The following ST8SIA2 variants were observed in gnomAD, a reference collection of about 807,000 sequenced individuals.
The protein encoded by ST8SIA2 is ST8 alpha-N-acetyl-neuraminide alpha-2,8-sialyltransferase 2, also known as alpha-2,8-sialyltransferase 8B.
In ST8SIA2, 22 loss-of-function variants were observed where a neutral mutation model predicts 37.6. The ratio of observed to expected loss-of-function variants is 0.58; its 90% CI spans 0.42 to 0.83. The LOEUF is 0.83. Among genes scored for constraint, ST8SIA2 ranks in the 40% least tolerant of loss-of-function variants. The pLI, the probability that ST8SIA2 is intolerant of heterozygous loss-of-function variation, is 0.00. For synonymous variants in ST8SIA2, 205 were observed against 201.2 expected, an observed-to-expected ratio of 1.02 and a Z score of -0.16; for missense variants, 382 against 484.7, an observed-to-expected ratio of 0.79 and a Z score of 1.99.
chr15:92,404,133 C>T (rs758414356), intron 1 of ST8SIA2, among the ~76,000 whole-genome samples: 3 of 152,232 alleles, frequency 2.0e-5, no homozygotes, highest in Non-Finnish European at 4.4e-5. Flanking sequence ...ACATCTCTCC[C>T]TGCTGCCAAC....
In ST8SIA2 at chr15:92,466,671, C is replaced by T. The variant is rs900351053; in HGVS notation, c.*2286C>T. ...GATATGAGCTGGAGTGCAAGGAGTC[C>T]TTCCACCCTGCCTTCAGGTTCTCTC... On this transcript the variant is annotated 3_prime_UTR_variant, in exon 6 of 6. Transcript: ENST00000268164. 4.6e-5 allele frequency: 7 copies of T among 152,352 alleles called. No individual in the cohort carries two copies. Among genetic ancestry groups the T allele is most frequent in the Admixed American group, 3.9e-4 (6 of 15,302 alleles). 9.4% of individuals were successfully genotyped at this position (152,352 alleles called of 1,614,324 possible).
intron 1 of ST8SIA2, among the ~76,000 whole-genome samples, chr15:92,412,130 G>C (rs1035928140): frequency 2.0e-5 from 3 of 152,164 alleles, no homozygotes; most frequent in Non-Finnish European, 4.4e-5. Context: ...AGAGGTCTCT[G>C]ATAAAGGGGC....
intron 5 of ST8SIA2, among the ~76,000 whole-genome samples, chr15:92,454,318 C>T (rs929530362): frequency 1.3e-5 from 2 of 152,028 alleles, no homozygotes; most frequent in African/African-American, 4.8e-5. Flanking sequence ...TCCAAATCCC[C>T]CCTCTTTGCA....
chr15:92,459,744 G>A (rs778208695), intron 5 of ST8SIA2, among the ~76,000 whole-genome samples: 2 of 152,170 alleles, frequency 1.3e-5, no homozygotes, highest in Non-Finnish European at 2.9e-5. Flanking sequence ...GATTACAGGT[G>A]CATGCCTCCA....
intron 1 of ST8SIA2, among the ~76,000 whole-genome samples, chr15:92,423,129 T>C (rs561065612): frequency 4.6e-5 from 7 of 152,216 alleles, no homozygotes; most frequent in Non-Finnish European, 1.0e-4. Context: ...ATAGTAGTTA[T>C]GGGGAAAAGA....
rs1258844139 is a variant in ST8SIA2 at position 92,394,077 on chromosome 15, T to G, written c.13T>G (p.Phe5Val). MQLQ[F>V]RSWMLAALTL... is the part of the protein sequence containing the mutation. ...GCGCGAACCCACCATGCAGCTGCAG[T>G]TCCGGAGCTGGATGCTGGCCGCGCT... The change falls in exon 1 of 6, where the codon TTC (phenylalanine) becomes GTC (valine). Residue 5 changes from phenylalanine to valine, a missense_variant. Physicochemically the swap from Phe to Val is conservative, Grantham distance 50. Transcript: ENST00000268164. The G allele has an allele frequency of 3.9e-6, 6 of 1,553,000 alleles. No homozygotes were observed. The Admixed American group carries it at 1.2e-4, about 30-fold the overall frequency.
In ST8SIA2 at chr15:92,451,328, G is replaced by A. The variant is rs533818998; in HGVS notation, c.842+6399G>A. On this transcript the variant is annotated intron_variant, in intron 5 of 5. Coordinates refer to ENST00000268164, the MANE Select transcript of ST8SIA2 (RefSeq NM_006011.4). ...TTAGAAGACCACGGCAGGCAGCAAC[G>A]CATCAAGGCTACACGTGCACACACT... is the stretch of plus-strand genomic sequence containing the variant. Among the ~76,000 whole-genome samples the A allele has an allele frequency of 2.6e-4, 40 of 152,246 alleles. No individual in the cohort carries two copies. The South Asian group carries it at 2.9e-3, about 11-fold the overall frequency.
intron 1 of ST8SIA2, among the ~76,000 whole-genome samples, chr15:92,411,829 C>T (rs2049551691): frequency 6.6e-6 from 1 of 152,144 alleles, no homozygotes; most frequent in Admixed American, 6.5e-5. Context: ...GCAGTTGAAG[C>T]TCTTAGTGTA....
chr15:92,404,707 A>AT (rs1406011561), intron 1 of ST8SIA2, among the ~76,000 whole-genome samples: 38 of 151,422 alleles, frequency 2.5e-4, no homozygotes, highest in African/African-American at 9.0e-4. Context: ...GTAGTGCTGC[A>AT]TGCCTGTAGT....
chr15:92,458,564 C>G (rs148625634), intron 5 of ST8SIA2, among the ~76,000 whole-genome samples: 70 of 152,280 alleles, frequency 4.6e-4, no homozygotes, highest in Non-Finnish European at 8.7e-4. Flanking sequence ...GGAAAGCATC[C>G]CTTCCGTCTC....
At chr15:92,401,335 G>A (rs2049469652) in intron 1 of ST8SIA2, among the ~76,000 whole-genome samples, 1 of 152,200 alleles carries the variant, frequency 6.6e-6, no homozygotes, top group African/African-American at 2.4e-5. Context: ...CTTAAGCGTT[G>A]AGATTAGTCA....
intron 3 of ST8SIA2, among the ~76,000 whole-genome samples, chr15:92,437,526 C>G (rs954762143): frequency 6.6e-6 from 1 of 152,128 alleles, no homozygotes; most frequent in Non-Finnish European, 1.5e-5. Context: ...TGCAAAGGAG[C>G]CCTTCTCCGT....
chr15:92,456,725 G>A (rs1429095125), intron 5 of ST8SIA2, among the ~76,000 whole-genome samples: 1 of 152,194 alleles, frequency 6.6e-6, no homozygotes, highest in African/African-American at 2.4e-5. Flanking sequence ...CTGGGTACTG[G>A]GAGAGATGTG....
chr15:92,413,573 C>T (rs2049565733), intron 1 of ST8SIA2, among the ~76,000 whole-genome samples: 1 of 152,226 alleles, frequency 6.6e-6, no homozygotes, highest in Non-Finnish European at 1.5e-5. Flanking sequence ...CGCATCCTCA[C>T]TGCACACTTA....
intron 1 of ST8SIA2, among the ~76,000 whole-genome samples, chr15:92,415,044 A>G (rs1484123364): frequency 2.0e-5 from 3 of 152,178 alleles, no homozygotes; most frequent in Non-Finnish European, 4.4e-5. Flanking sequence ...GACGGAGGTC[A>G]TGGCTGATGC....
At chr15:92,441,477 C>T (rs1444325289) in intron 4 of ST8SIA2, among the ~76,000 whole-genome samples, 2 of 152,062 alleles carry the variant, frequency 1.3e-5, no homozygotes, top group African/African-American at 4.8e-5. Flanking sequence ...GAGAGCCCCA[C>T]GATCCTGCAG....
At chr15:92,414,241 C>T (rs922924065) in intron 1 of ST8SIA2, among the ~76,000 whole-genome samples, 2 of 152,230 alleles carry the variant, frequency 1.3e-5, no homozygotes, top group Non-Finnish European at 1.5e-5. Flanking sequence ...CACACACTCC[C>T]CTTGCCCTGA....
At chr15:92,432,099 A>T (rs3784735) in intron 2 of ST8SIA2, among the ~76,000 whole-genome samples, 3 of 151,976 alleles carry the variant, frequency 2.0e-5, no homozygotes, top group Admixed American at 6.5e-5. Context: ...AGTGTGCCCC[A>T]GTCTCTGAGA....
At chr15:92,405,169 C>T (rs1567210360) in intron 1 of ST8SIA2, among the ~76,000 whole-genome samples, 1 of 152,164 alleles carries the variant, frequency 6.6e-6, no homozygotes, top group Non-Finnish European at 1.5e-5. Context: ...AATTCTGACA[C>T]AAGCTATAAG....
Sources: allele counts gnomAD v4.1 joint callset (sites outside exome capture counted in the v4.1 genomes callset), GRCh38; gene constraint gnomAD v4.1.1; transcripts MANE v1.5; gene names NCBI Gene and HGNC (gene_info 2026-07-23, HGNC 2026-07-21).